FAM227B: variants seen among roughly 807,000 people sequenced by gnomAD.
FAM227B encodes the protein protein FAM227B.
FAM227B carries 88 observed loss-of-function variants against 73.8 expected under a neutral mutation model. The ratio of observed to expected loss-of-function variants is 1.19; its 90% CI spans 1.00 to 1.42. The LOEUF (loss-of-function observed/expected upper bound fraction) is 1.42. FAM227B is among the 40% of genes most tolerant of loss of function. The probability of loss-of-function intolerance (pLI) is 0.00; values close to 1 mark genes in which losing one functional copy is unlikely to be tolerated. For synonymous variants in FAM227B, 210 were observed against 190.5 expected, an observed-to-expected ratio of 1.10 and a Z score of -0.84; for missense variants, 632 against 590.9, an observed-to-expected ratio of 1.07 and a Z score of -0.72.
intron 10 of FAM227B, among the ~76,000 whole-genome samples, chr15:49,515,404 G>C (rs767874327): frequency 6.6e-6 from 1 of 152,008 alleles, no homozygotes; most frequent in Non-Finnish European, 1.5e-5. Flanking sequence ...TATTAATTAT[G>C]GTTATTTCAA....
chr15:49,505,452 C>A (rs1343935315), intron 11 of FAM227B, among the ~76,000 whole-genome samples: 1 of 152,004 alleles, frequency 6.6e-6, no homozygotes, highest in Admixed American at 6.6e-5. Flanking sequence ...AAACAAAAGT[C>A]ATGACACTAT....
chr15:49,450,946 C>A (rs2052663745), intron 11 of FAM227B, among the ~76,000 whole-genome samples: 3 of 152,088 alleles, frequency 2.0e-5, no homozygotes, highest in South Asian at 2.1e-4. Context: ...TAATCAACTC[C>A]TTTGAATGCT....
At chr15:49,429,804 A>G (rs572117080) in intron 11 of FAM227B, among the ~76,000 whole-genome samples, 1 of 152,032 alleles carries the variant, frequency 6.6e-6, no homozygotes, top group East Asian at 1.9e-4. Context: ...CACTGGACTA[A>G]GGGGATCACA....
At chr15:49,594,072 C>G (rs2076748434) in intron 3 of FAM227B, among the ~76,000 whole-genome samples, 1 of 152,082 alleles carries the variant, frequency 6.6e-6, no homozygotes, top group Non-Finnish European at 1.5e-5. Flanking sequence ...TCCATTTCCA[C>G]CATATCCACA....
In FAM227B at chr15:49,456,366, C is replaced by T. The variant is rs574214022; in HGVS notation, c.1012+51845G>A. Among the ~76,000 whole-genome samples, 6 of 152,120 alleles carry T rather than the reference C, an allele frequency of 3.9e-5. No homozygotes were observed. The East Asian group carries it at 9.6e-4, about 24-fold the overall frequency. On this transcript the variant is annotated intron_variant, in intron 11 of 15. Coordinates refer to ENST00000299338, the MANE Select transcript of FAM227B (RefSeq NM_152647.3). ...GAAAGGGAAAGCAGCTGGACAGTGTCTTATATGACAAGTCATTTCTGCCAA... is the reference window on the plus strand; with the variant it reads ...GAAAGGGAAAGCAGCTGGACAGTGTTTTATATGACAAGTCATTTCTGCCAA...
intron 3 of FAM227B, among the ~76,000 whole-genome samples, chr15:49,604,349 A>G (rs998463966): frequency 3.5e-5 from 5 of 142,916 alleles, no homozygotes; most frequent in Non-Finnish European, 7.6e-5. Context: ...CTTTGTTGGC[A>G]GTTTTTTTTT....
intron 11 of FAM227B, among the ~76,000 whole-genome samples, chr15:49,483,700 C>G (rs1311393646): frequency 1.3e-5 from 2 of 152,006 alleles, no homozygotes; most frequent in African/African-American, 2.4e-5. Context: ...TGTAATTATT[C>G]ACATTGTCCC....
rs1159991651 is a variant in FAM227B, at chr15:49,550,366, G to A, written c.748-8560C>T. On this transcript the variant is annotated intron_variant, in intron 9 of 15. Coordinates refer to ENST00000299338, the MANE Select transcript of FAM227B (RefSeq NM_152647.3). ...CCCCCACCTCCCTCCCGGACGGGGC[G>A]GCTGGCCTGGCGGGGGCTGACCCCC... Among the ~76,000 whole-genome samples the A allele has an allele frequency of 4.1e-4, 61 of 150,152 alleles. 1 individual carries two copies. The South Asian group carries it at 0.01, about 26-fold the overall frequency.
At chr15:49,569,653 CCTT>C (rs1365241210) in intron 8 of FAM227B, among the ~76,000 whole-genome samples, 1 of 151,868 alleles carries the variant, frequency 6.6e-6, no homozygotes, top group African/African-American at 2.4e-5. Context: ...TTAAAATTTA[CCTT>C]CTTAGCAATT....
intron 13 of FAM227B, among the ~76,000 whole-genome samples, chr15:49,344,915 T>C (rs1023179345): frequency 6.6e-6 from 1 of 152,244 alleles, no homozygotes; most frequent in Admixed American, 6.5e-5. Context: ...CTGCAGAAAA[T>C]TGAATATTAT....
At chr15:49,354,337 G>A (rs574144681) in intron 13 of FAM227B, among the ~76,000 whole-genome samples, 22 of 152,306 alleles carry the variant, frequency 1.4e-4, no homozygotes, top group South Asian at 4.1e-4. Context: ...TGAGGTACCG[G>A]GTTCATCTCA....
chr15:49,498,106 A>G (rs534168671), intron 11 of FAM227B, among the ~76,000 whole-genome samples: 10 of 152,348 alleles, frequency 6.6e-5, no homozygotes, highest in African/African-American at 2.4e-4. Flanking sequence ...GGTAACTCTC[A>G]TAAGTTACAA....
At chr15:49,600,946 G>GATT in intron 3 of FAM227B, among the ~76,000 whole-genome samples, 1 of 149,828 alleles carries the variant, frequency 6.7e-6, no homozygotes, top group Non-Finnish European at 1.5e-5. Flanking sequence ...GGAGGCTGAA[G>GATT]CAGGAGAATC....
At chr15:49,427,868 A>T (rs1009246899) in intron 11 of FAM227B, among the ~76,000 whole-genome samples, 1 of 152,008 alleles carries the variant, frequency 6.6e-6, no homozygotes, top group African/African-American at 2.4e-5. Context: ...AGTGGTGGGC[A>T]AGTGGATGTG....
At chr15:49,536,581 A>G (rs973736491) in intron 10 of FAM227B, among the ~76,000 whole-genome samples, 2 of 152,010 alleles carry the variant, frequency 1.3e-5, no homozygotes, top group Non-Finnish European at 2.9e-5. Context: ...TTTGTATAGA[A>G]CCACAAAAGA....
At chr15:49,598,590 A>G (rs780741690) in intron 3 of FAM227B, among the ~76,000 whole-genome samples, 54 of 151,996 alleles carry the variant, frequency 3.6e-4, no homozygotes, top group Non-Finnish European at 7.4e-4. Context: ...GGGCTTTCAT[A>G]TACGGTCCTT....
At chr15:49,374,191 AT>A (rs1346511032) in intron 11 of FAM227B, among the ~76,000 whole-genome samples, 1 of 152,186 alleles carries the variant, frequency 6.6e-6, no homozygotes, top group Non-Finnish European at 1.5e-5. Flanking sequence ...TTTCAGAGTC[AT>A]TTACAAAGAG....
At chr15:49,522,694 T>C (rs962510324) in intron 10 of FAM227B, among the ~76,000 whole-genome samples, 1 of 152,098 alleles carries the variant, frequency 6.6e-6, no homozygotes, top group Non-Finnish European at 1.5e-5. Context: ...ATTTCAGAGC[T>C]TGAAAACTAG....
chr15:49,443,091 G>A (rs559628223), intron 11 of FAM227B, among the ~76,000 whole-genome samples: 7 of 151,808 alleles, frequency 4.6e-5, no homozygotes, highest in African/African-American at 1.7e-4. Flanking sequence ...TAAGTAGGGT[G>A]ACCATATTTG....
Sources: allele counts gnomAD v4.1 joint callset (sites outside exome capture counted in the v4.1 genomes callset), GRCh38; gene constraint gnomAD v4.1.1; transcripts MANE v1.5; gene names NCBI Gene and HGNC (gene_info 2026-07-23, HGNC 2026-07-21).